TTLL1: variants seen among roughly 807,000 people sequenced by gnomAD.
TTLL1 encodes the protein polyglutamylase complex subunit TTLL1.
TTLL1 carries 33 observed loss-of-function variants against 47.8 expected under a neutral mutation model. The ratio of observed to expected loss-of-function variants is 0.69; its 90% CI spans 0.52 to 0.92. The LOEUF (loss-of-function observed/expected upper bound fraction) is 0.92, where lower values mean the gene tolerates loss of function less well. TTLL1 is among the 40% of genes least tolerant of loss of function. TTLL1 has a pLI of 0.00. For missense variants in TTLL1, 488 were observed against 547.5 expected (o/e 0.89, Z 1.08); for synonymous variants, 225 against 214.1 (o/e 1.05, Z -0.45).
chr22:43,087,354 GTC>G (rs1224902271), intron 1 of TTLL1, among the ~76,000 whole-genome samples: 1 of 148,530 alleles, frequency 6.7e-6, no homozygotes, highest in African/African-American at 2.5e-5. Context: ...GTGAAACCCC[GTC>G]TCTACTAAAA....
chr22:43,071,160 T>C (rs1928095091), intron 3 of TTLL1, among the ~76,000 whole-genome samples: 1 of 151,696 alleles, frequency 6.6e-6, no homozygotes, highest in Non-Finnish European at 1.5e-5. Flanking sequence ...CAACTGATCC[T>C]GCCGCCTCAG....
chr22:43,046,886 G>T (rs1926183533), intron 9 of TTLL1, among the ~76,000 whole-genome samples: 1 of 152,044 alleles, frequency 6.6e-6, no homozygotes, highest in Non-Finnish European at 1.5e-5. Context: ...GACCAGGCTG[G>T]TCTCGAACTC....
At chr22:43,048,201 C>T (rs1439421614) in intron 9 of TTLL1, among the ~76,000 whole-genome samples, 3 of 151,856 alleles carry the variant, frequency 2.0e-5, no homozygotes, top group South Asian at 2.1e-4. Context: ...CCTGTAATCC[C>T]AGCCACTTGG....
chr22:43,065,493 T>G (rs1927669262), intron 5 of TTLL1, among the ~76,000 whole-genome samples: 1 of 152,118 alleles, frequency 6.6e-6, no homozygotes, highest in Non-Finnish European at 1.5e-5. Context: ...TTTTGCCATG[T>G]CGGCCAGGCT....
chr22:43,061,933 C>G (rs1927412107), intron 7 of TTLL1, among the ~76,000 whole-genome samples: 1 of 152,198 alleles, frequency 6.6e-6, no homozygotes, highest in African/African-American at 2.4e-5. Context: ...TCTTTTGTTC[C>G]ATGATCTTCT....
intron 8 of TTLL1, among the ~76,000 whole-genome samples, chr22:43,052,767 AAAG>A (rs1049322655): frequency 1.2e-4 from 18 of 147,868 alleles, no homozygotes; most frequent in African/African-American, 4.5e-4. Flanking sequence ...CAAACAAAAA[AAAG>A]AAAACTGGCT....
chr22:43,069,058 G>A (rs1927930109), intron 4 of TTLL1, among the ~76,000 whole-genome samples: 1 of 151,850 alleles, frequency 6.6e-6, no homozygotes. Flanking sequence ...CAGGCTGAGC[G>A]CTGAGGGCAT....
chr22:43,066,583 G>C (rs372062523), intron 5 of TTLL1, among the ~76,000 whole-genome samples: 1 of 151,932 alleles, frequency 6.6e-6, no homozygotes, highest in African/African-American at 2.4e-5. Context: ...TTAGCCAGGT[G>C]TGGTCGTGTG....
chr22:43,082,346 T>C (rs965149333), intron 1 of TTLL1, among the ~76,000 whole-genome samples: 1 of 152,102 alleles, frequency 6.6e-6, no homozygotes, highest in Non-Finnish European at 1.5e-5. Flanking sequence ...GACAGCTACA[T>C]TTCCAGGAGA....
At chr22:43,060,225 A>C (rs988691949) in intron 7 of TTLL1, among the ~76,000 whole-genome samples, 1 of 152,186 alleles carries the variant, frequency 6.6e-6, no homozygotes, top group African/African-American at 2.4e-5. Context: ...ATACCCTTCA[A>C]GACCAAGGCA....
chr22:43,058,313 G>C (rs993963964), intron 8 of TTLL1, among the ~76,000 whole-genome samples: 2 of 152,284 alleles, frequency 1.3e-5, no homozygotes, highest in East Asian at 3.8e-4. Context: ...CTTAAAAACA[G>C]ATGTGCACCT....
intron 8 of TTLL1, among the ~76,000 whole-genome samples, chr22:43,056,475 T>A (rs994787954): frequency 2.7e-5 from 4 of 148,486 alleles, no homozygotes; most frequent in African/African-American, 9.9e-5. Flanking sequence ...TTTTTTTTTT[T>A]TTTTTTTTTT....
chr22:43,040,921 C>T (rs1337689661), intron 10 of TTLL1, among the ~76,000 whole-genome samples: 1 of 152,208 alleles, frequency 6.6e-6, no homozygotes, highest in Non-Finnish European at 1.5e-5. Flanking sequence ...TGGGTCCTTC[C>T]CACAGTGGCG....
chr22:43,045,968 C>T (rs778633417), intron 10 of TTLL1, among the ~76,000 whole-genome samples: 4 of 152,160 alleles, frequency 2.6e-5, no homozygotes, highest in Non-Finnish European at 5.9e-5. Context: ...CACTTGTAAT[C>T]TCAGCACTTT....
chr22:43,074,946 C>A (rs145215059), intron 3 of TTLL1, among the ~76,000 whole-genome samples: 1 of 151,980 alleles, frequency 6.6e-6, no homozygotes, highest in Non-Finnish European at 1.5e-5. Context: ...GAGGCCGAGG[C>A]GGGTGGATCA....
rs370694053 is a variant in TTLL1 at position 43,044,646 on chromosome 22, C to T, written c.1142+1764G>A. ...GCCGTCTGCTTCCCTCTCTTCTCCA[C>T]GCCCACTCGACTGCAGTATCGATGC... On this transcript the variant is annotated intron_variant, in intron 10 of 10. Transcript: ENST00000266254. 2.6e-5 allele frequency among the ~76,000 whole-genome samples: 4 copies of T among 152,334 alleles called. No individual in the cohort carries two copies. The South Asian group carries it at 6.2e-4, about 24-fold the overall frequency.
chr22:43,087,601 G>A (rs1929309569), intron 1 of TTLL1, among the ~76,000 whole-genome samples: 2 of 151,902 alleles, frequency 1.3e-5, no homozygotes, highest in South Asian at 4.2e-4. Flanking sequence ...ACTTTGGGAG[G>A]CCAAGGTGGG....
intron 7 of TTLL1, among the ~76,000 whole-genome samples, chr22:43,060,812 G>GT (rs1927343091): frequency 6.6e-6 from 1 of 152,206 alleles, no homozygotes; most frequent in South Asian, 2.1e-4. Flanking sequence ...TAAGTATAAA[G>GT]TGAGAACCAT....
chr22:43,059,181 G>A (rs1927225918), intron 8 of TTLL1, among the ~76,000 whole-genome samples: 1 of 151,380 alleles, frequency 6.6e-6, no homozygotes, highest in African/African-American at 2.4e-5. Flanking sequence ...GTAGAAACAG[G>A]GTTTCACCAT....
Sources: allele counts gnomAD v4.1 joint callset (sites outside exome capture counted in the v4.1 genomes callset), GRCh38; gene constraint gnomAD v4.1.1; transcripts MANE v1.5; gene names NCBI Gene and HGNC (gene_info 2026-07-23, HGNC 2026-07-21).